Variants in GRIA3 observed in about 807,000 individuals in gnomAD.
GRIA3 encodes the protein glutamate receptor 3.
GRIA3 carries 3 observed loss-of-function variants against 63.0 expected under a neutral mutation model. That is an observed-to-expected ratio of 0.05 (90% CI 0.02 to 0.12). The LOEUF is 0.12. Ranked by LOEUF, GRIA3 falls within the 10% of genes least tolerant of loss-of-function variation. GRIA3 has a pLI of 1.00. For synonymous variants in GRIA3, 274 were observed against 257.9 expected (o/e 1.06, Z -0.60); for missense variants, 347 against 700.9 (o/e 0.50, Z 5.70).
At chrX:123,406,418 T>C (rs991481326) in intron 10 of GRIA3, among the ~76,000 whole-genome samples, 1 of 111,936 alleles carries the variant, frequency 8.9e-6, no homozygotes, top group Non-Finnish European at 1.9e-5. Context: ...GGAGAAGGAC[T>C]CTAGTGCTTG....
At chrX:123,243,242 A>C (rs150115408) in intron 2 of GRIA3, among the ~76,000 whole-genome samples, 82 of 112,444 alleles carry the variant, frequency 7.3e-4, no homozygotes, top group African/African-American at 2.5e-3. Context: ...GCAGCAAGAA[A>C]AGTCTTTTAA....
chrX:123,439,377 T>C (rs2045661283), intron 12 of GRIA3, among the ~76,000 whole-genome samples: 1 of 111,832 alleles, frequency 8.9e-6, no homozygotes. Context: ...TCTATCTGTA[T>C]ACTCTGTGGT....
chrX:123,270,216 C>T (rs979724253), intron 3 of GRIA3, among the ~76,000 whole-genome samples: 21 of 112,098 alleles, frequency 1.9e-4, no homozygotes, highest in African/African-American at 5.2e-4. Context: ...TCTCCCTTCA[C>T]CTGCAGGCCC....
chrX:123,488,696 TC>T lies in GRIA3; in HGVS notation c.*3-13del, dbSNP rs1390068180. 4 of 111,659 alleles carry T rather than the reference TC, an allele frequency of 3.6e-5. No individual in the cohort carries two copies. The highest frequency in any genetic ancestry group is 7.5e-5 in the Non-Finnish European group (4 of 53,082). The allele number at this position is 111,659 out of a possible 1,213,427, so 9.2% of individuals were successfully genotyped here. On this transcript the variant is annotated splice_polypyrimidine_tract_variant and intron_variant, in intron 15 of 15. Transcript: ENST00000620443. ...TAGGAAGCCCCTTCAAATTTAAATA[TC>T]CCCTTGCCTTTGCAGATCCCTTCCC... is the stretch of plus-strand genomic sequence containing the variant.
chrX:123,349,706 C>T (rs1461653380), intron 4 of GRIA3, among the ~76,000 whole-genome samples: 1 of 112,481 alleles, frequency 8.9e-6, no homozygotes, highest in African/African-American at 3.2e-5. Context: ...TAATCCAGCA[C>T]ATTTATTCAA....
intron 3 of GRIA3, among the ~76,000 whole-genome samples, chrX:123,266,016 C>T (rs1445442596): frequency 8.9e-6 from 1 of 112,127 alleles, no homozygotes; most frequent in African/African-American, 3.2e-5. Flanking sequence ...CTCTCCTCCA[C>T]TTAAGGCCTT....
At chrX:123,188,458 T>A (rs1927337097) in intron 2 of GRIA3, among the ~76,000 whole-genome samples, 1 of 111,253 alleles carries the variant, frequency 9.0e-6, no homozygotes, top group Non-Finnish European at 1.9e-5. Context: ...GATCAAATAT[T>A]TCCAACTGGG....
intron 2 of GRIA3, among the ~76,000 whole-genome samples, chrX:123,227,585 G>A (rs1404599191): frequency 9.0e-6 from 1 of 111,416 alleles, no homozygotes; most frequent in Non-Finnish European, 1.9e-5. Context: ...GGGAACAAGA[G>A]AAAGCAGGCC....
intron 4 of GRIA3, among the ~76,000 whole-genome samples, chrX:123,343,639 CAGAGAG>C (rs1230929050): frequency 9.3e-6 from 1 of 107,499 alleles, no homozygotes; most frequent in Non-Finnish European, 1.9e-5. Flanking sequence ...CATTCAGAGA[CAGAGAG>C]AGAGAGAGAT....
intron 6 of GRIA3, among the ~76,000 whole-genome samples, chrX:123,398,395 G>A (rs753560396): frequency 9.0e-6 from 1 of 111,552 alleles, no homozygotes; most frequent in Non-Finnish European, 1.9e-5. Flanking sequence ...ACAGTATTGA[G>A]AGCAAGAGAG....
At chrX:123,284,195 T>C (rs1047859633) in intron 3 of GRIA3, among the ~76,000 whole-genome samples, 10 of 112,089 alleles carry the variant, frequency 8.9e-5, no homozygotes, top group East Asian at 2.8e-4. Flanking sequence ...CAGAAAGGAA[T>C]AGCATCAACA....
chrX:123,402,870 A>G, intron 7 of GRIA3, 124 bp from the exon 8 acceptor site: 2 of 471,618 alleles, frequency 4.2e-6, no homozygotes, highest in Non-Finnish European at 8.0e-6. Flanking sequence ...TGGTGGATAG[A>G]GCTCAATGAC....
At chrX:123,243,370 G>A (rs1285693924) in intron 2 of GRIA3, among the ~76,000 whole-genome samples, 2 of 111,979 alleles carry the variant, frequency 1.8e-5, no homozygotes, top group Non-Finnish European at 3.8e-5. Flanking sequence ...CTCCACGGTT[G>A]GTTCCTGCCT....
chrX:123,312,526 A>T (rs1461878871), intron 3 of GRIA3, among the ~76,000 whole-genome samples: 1 of 112,115 alleles, frequency 8.9e-6, no homozygotes, highest in Non-Finnish European at 1.9e-5. Flanking sequence ...AGCAGGGTGA[A>T]CCAAGCCAAA....
At position 123,354,868 on chromosome X, in the gene GRIA3, CCTT is replaced by C. The variant is rs770119252; in HGVS notation, c.697-38_697-36del. 1.6e-5 allele frequency: 16 copies of C among 1,023,678 alleles called. No homozygotes were observed. The Admixed American group carries it at 3.5e-4, about 22-fold the overall frequency. The allele number at this position is 1,023,678 out of a possible 1,213,427, so 84.4% of individuals were successfully genotyped here. A position where few individuals can be genotyped will look rare whatever the true frequency, so the allele number is the denominator to read the frequency against. On this transcript the variant is annotated intron_variant, in intron 4 of 15. Transcript: ENST00000620443. ...CCACTGATTGTGCAATTGAAAATGTCCTTCTTGAATAAGCAATATGTCTTATTT... is the reference window on the plus strand; with the variant it reads ...CCACTGATTGTGCAATTGAAAATGTCCTTGAATAAGCAATATGTCTTATTT...
At chrX:123,265,550 A>G (rs2044483045) in intron 3 of GRIA3, among the ~76,000 whole-genome samples, 1 of 112,157 alleles carries the variant, frequency 8.9e-6, no homozygotes, top group African/African-American at 3.2e-5. Context: ...CATATTAAGT[A>G]GGCTGAAGAG....
intron 5 of GRIA3, among the ~76,000 whole-genome samples, chrX:123,381,870 CCTGT>C (rs918544887): frequency 1.9e-4 from 21 of 112,247 alleles, no homozygotes; most frequent in African/African-American, 6.1e-4. Flanking sequence ...CTTATATCCA[CCTGT>C]CTATTACTCA....
chrX:123,210,912 T>C (rs1210209230), intron 2 of GRIA3, among the ~76,000 whole-genome samples: 1 of 112,177 alleles, frequency 8.9e-6, no homozygotes, highest in Non-Finnish European at 1.9e-5. Context: ...TTAATACTAG[T>C]CTTTCAAAAA....
chrX:123,480,203 C>T, intron 14 of GRIA3, 26 bp downstream of exon 14: 1 of 925,739 alleles, frequency 1.1e-6, no homozygotes, highest in South Asian at 2.0e-5. Context: ...TCTTTTTGTA[C>T]TGATTAGCAA....
Sources: allele counts gnomAD v4.1 joint callset (sites outside exome capture counted in the v4.1 genomes callset), GRCh38; gene constraint gnomAD v4.1.1; transcripts MANE v1.5; gene names NCBI Gene and HGNC (gene_info 2026-07-23, HGNC 2026-07-21).